CHD7: variants seen among roughly 807,000 people sequenced by gnomAD.
The protein encoded by CHD7 is ATP-dependent chromatin remodeler CHD7.
In CHD7, 24 loss-of-function variants were observed where a neutral mutation model predicts 307.3. The observed-to-expected ratio is 0.08, with a 90% CI of 0.06 to 0.11. The LOEUF (loss-of-function observed/expected upper bound fraction) is 0.11, where lower values mean the gene tolerates loss of function less well. Ranked by LOEUF, CHD7 falls within the 10% of genes least tolerant of loss-of-function variation. The pLI is 1.00. For missense variants in CHD7, 3,106 were observed against 3,727.1 expected, an observed-to-expected ratio of 0.83 and a Z score of 4.34; for synonymous variants, 1,363 against 1,349.9, an observed-to-expected ratio of 1.01 and a Z score of -0.21.
intron 3 of CHD7, 77 bp from the exon 4 acceptor site, chr8:60,794,909 A>C: frequency 3.1e-6 from 4 of 1,309,662 alleles, no homozygotes; most frequent in Non-Finnish European, 4.2e-6. Context: ...TACTTTTGGG[A>C]TATTAATGTG....
At chr8:60,832,094 T>C (rs1804544937) in intron 15 of CHD7, among the ~76,000 whole-genome samples, 1 of 152,156 alleles carries the variant, frequency 6.6e-6, no homozygotes, top group Non-Finnish European at 1.5e-5. Context: ...CGATCTCGGC[T>C]CACTGCAGCC....
chr8:60,852,426 A>C, intron 29 of CHD7, 72 bp from the exon 30 acceptor site: 1 of 1,431,702 alleles, frequency 7.0e-7, no homozygotes, highest in Non-Finnish European at 9.6e-7. Context: ...TCTGGGGGGA[A>C]GAAGAAAAGA....
In CHD7 at chr8:60,828,826, T is replaced by C. The variant is rs577146364; in HGVS notation, c.3522+20T>C. The C allele has an allele frequency of 1.9e-5, 31 of 1,604,900 alleles. No individual in the cohort carries two copies. In the East Asian group the frequency reaches 3.3e-4, roughly 17 times the overall value. The stretch of plus-strand genomic sequence containing the variant: ...GAGCAGGTATTTATCAGCTCCACTT[T>C]GTATTTCAGTTATAAAATTGAAGAT... On this transcript the variant is annotated intron_variant, in intron 14 of 37. Transcript: ENST00000423902.
chr8:60,686,841 T>C (rs942460884), intron 1 of CHD7, among the ~76,000 whole-genome samples: 5 of 152,248 alleles, frequency 3.3e-5, no homozygotes, highest in African/African-American at 1.2e-4. Context: ...ATTTTCTTTC[T>C]AGTTCTGCAG....
chr8:60,856,792 T>G lies in CHD7; in HGVS notation c.7512T>G (p.Asp2504Glu). ...TRHLLNGSLV[D>E]GEPPMKRRRG... The stretch of plus-strand genomic sequence containing the variant: ...ATCTCCTTAATGGCTCCCTAGTGGA[T>G]GGAGAGCCTCCCATGAAGAGGAGGC... Residue 2504 changes from aspartate (D) to glutamate (E), a missense_variant, in exon 34 of 38, where the codon GAT becomes GAG. Transcript: ENST00000423902. 1 of 1,610,372 alleles carries G rather than the reference T, an allele frequency of 6.2e-7. No individual in the cohort carries two copies. The highest frequency in any genetic ancestry group is 8.5e-7 in the Non-Finnish European group (1 of 1,177,720).
chr8:60,845,234 A>G lies in CHD7; in HGVS notation c.5051-16A>G. On this transcript the variant is annotated splice_polypyrimidine_tract_variant and intron_variant, in intron 22 of 37. Coordinates refer to ENST00000423902, the MANE Select transcript of CHD7 (RefSeq NM_017780.4). ...AATGTAAAAGGCTTCTATTATTATT[A>G]TGATGGTGATTCTAGGTTTGTCAGC... The G allele has an allele frequency of 6.2e-7, 1 of 1,601,548 alleles. No homozygotes were observed. Among genetic ancestry groups the G allele is most frequent in the African/African-American group, 1.3e-5 (1 of 74,506 alleles).
At chr8:60,696,008 T>C (rs868123231) in intron 1 of CHD7, among the ~76,000 whole-genome samples, 1 of 152,218 alleles carries the variant, frequency 6.6e-6, no homozygotes, top group South Asian at 2.1e-4. Context: ...TCAACTGTTA[T>C]AAGCCACAGC....
chr8:60,784,947 G>T (rs1408263180), intron 3 of CHD7, among the ~76,000 whole-genome samples: 3 of 151,912 alleles, frequency 2.0e-5, no homozygotes, highest in Non-Finnish European at 4.4e-5. Context: ...GATTTTTCTA[G>T]TGTTCTCCCC....
intron 9 of CHD7, among the ~76,000 whole-genome samples, chr8:60,820,329 A>T (rs1803969364): frequency 6.6e-6 from 1 of 152,266 alleles, no homozygotes; most frequent in Non-Finnish European, 1.5e-5. Context: ...AATATGAAAG[A>T]AATACATTGA....
intron 2 of CHD7, among the ~76,000 whole-genome samples, chr8:60,767,146 A>AC (rs1810510297): frequency 6.6e-6 from 1 of 152,198 alleles, no homozygotes; most frequent in African/African-American, 2.4e-5. Flanking sequence ...CTTGGAGGGC[A>AC]CCTTGGTGAG....
chr8:60,737,151 C>T (rs563633053), intron 1 of CHD7, among the ~76,000 whole-genome samples: 4 of 152,136 alleles, frequency 2.6e-5, no homozygotes, highest in Admixed American at 6.5e-5. Context: ...TGGATCTGCC[C>T]GTTTTTCATT....
intron 23 of CHD7, among the ~76,000 whole-genome samples, chr8:60,846,252 AG>A (rs1174001153): frequency 6.6e-6 from 1 of 152,206 alleles, no homozygotes; most frequent in Non-Finnish European, 1.5e-5. Flanking sequence ...CGTACAGTGG[AG>A]GGAAGACTGG....
In CHD7 at chr8:60,865,008, TACTC is replaced by T; in HGVS notation, c.8077-7_8077-4del. 1 of 1,582,518 alleles carries T rather than the reference TACTC, an allele frequency of 6.3e-7. No homozygotes were observed. The highest frequency in any genetic ancestry group is 2.3e-5 in the East Asian group (1 of 43,734). On this transcript the variant is annotated splice_polypyrimidine_tract_variant and splice_region_variant and intron_variant, in intron 37 of 37. Transcript: ENST00000423902. This position sits in a 1 kb window ranked among gnomAD's most constrained non-coding sequence, Gnocchi z 4.3. ...TTATAGCCACTGTTTGCCTCCCCTG[TACTC>T]CAGGGTTTTGTTCCTGAGTCGATGT... is the stretch of plus-strand genomic sequence containing the variant.
chr8:60,745,609 T>G (rs942329939), intron 2 of CHD7, among the ~76,000 whole-genome samples: 3 of 152,228 alleles, frequency 2.0e-5, no homozygotes, highest in Non-Finnish European at 2.9e-5. Context: ...ACAATTATGT[T>G]TTCCATTTTG....
intron 15 of CHD7, among the ~76,000 whole-genome samples, chr8:60,831,193 G>T (rs1372784955): frequency 6.6e-6 from 1 of 152,116 alleles, no homozygotes; most frequent in Admixed American, 6.5e-5. Flanking sequence ...TCATGCTTAT[G>T]TTGTATAAGA....
chr8:60,832,701 G>T (rs900720678), intron 15 of CHD7, among the ~76,000 whole-genome samples: 2 of 152,200 alleles, frequency 1.3e-5, no homozygotes, highest in African/African-American at 4.8e-5. Flanking sequence ...GACACCCCCA[G>T]TTCCATCAAG....
chr8:60,850,425 G>A (rs1004270408), intron 25 of CHD7, 68 bp from the exon 26 acceptor site: 1 of 1,547,192 alleles, frequency 6.5e-7, no homozygotes, highest in Non-Finnish European at 8.8e-7. Flanking sequence ...GCAGTGCTGT[G>A]ATTTTGCCAG....
rs1380251518 is a variant in CHD7, at chr8:60,741,617, A to G, written c.185A>G (p.Asn62Ser). ...CTTCATCATCCTTCAACTAATCAAA[A>G]TCAAACAAAGCTGACACATTTTGAT... ...PSLHHPSTNQNQTKLTHFDHY... is the reference protein window; with the variant it reads ...PSLHHPSTNQSQTKLTHFDHY... Residue 62 changes from asparagine (N) to serine (S), a missense_variant, in exon 2 of 38, where the codon AAT becomes AGT. Around this residue, in one of 10 missense-constraint regions of CHD7, gnomAD observed 998 missense variants for 1,004.5 expected, o/e 0.99. Transcript: ENST00000423902. 6.2e-7 allele frequency: 1 copy of G among 1,613,790 alleles called. No homozygotes were observed. Among genetic ancestry groups the G allele is most frequent in the South Asian group, 1.1e-5 (1 of 91,022 alleles).
intron 1 of CHD7, among the ~76,000 whole-genome samples, chr8:60,699,095 A>T (rs1288110287): frequency 6.6e-6 from 1 of 152,250 alleles, no homozygotes; most frequent in African/African-American, 2.4e-5. Context: ...TCTTGGTGTT[A>T]TAGTGAACAG....
Sources: allele counts gnomAD v4.1 joint callset (sites outside exome capture counted in the v4.1 genomes callset), GRCh38; gene constraint gnomAD v4.1.1; regional missense constraint gnomAD v4.1.1; non-coding constraint Gnocchi (gnomAD v3.1); transcripts MANE v1.5; gene names NCBI Gene and HGNC (gene_info 2026-07-23, HGNC 2026-07-21).